Variants in PKNOX2 observed in about 807,000 individuals in gnomAD.
PKNOX2 encodes homeobox protein PKNOX2.
A neutral mutation model predicts 53.1 loss-of-function variants in PKNOX2; 14 were observed. That is an observed-to-expected ratio of 0.26 (90% confidence interval 0.17 to 0.41). The LOEUF (loss-of-function observed/expected upper bound fraction) is 0.41. Among genes scored for constraint, PKNOX2 ranks in the 10% least tolerant of loss-of-function variants. PKNOX2 has a pLI of 1.00. For synonymous variants in PKNOX2, 257 were observed against 242.8 expected, an observed-to-expected ratio of 1.06 and a Z score of -0.54; for missense variants, 496 against 602.8, an observed-to-expected ratio of 0.82 and a Z score of 1.85.
chr11:125,328,016 G>A (rs1949926472), intron 2 of PKNOX2, among the ~76,000 whole-genome samples: 1 of 152,192 alleles, frequency 6.6e-6, no homozygotes, highest in Non-Finnish European at 1.5e-5. Context: ...TCGTCTTGGG[G>A]TGGGGGCAGC....
At chr11:125,411,082 G>C (rs182983309) in intron 9 of PKNOX2, 101 of 529,412 alleles carry the variant, frequency 1.9e-4, no homozygotes, top group Admixed American at 4.4e-4. Context: ...CCCTCCTGGG[G>C]TTACATCAAA....
At chr11:125,374,960 G>A (rs1294858611) in intron 5 of PKNOX2, among the ~76,000 whole-genome samples, 3 of 151,790 alleles carry the variant, frequency 2.0e-5, no homozygotes, top group African/African-American at 4.8e-5. Context: ...TGGGGTGGGA[G>A]GAGAACAGAA....
intron 2 of PKNOX2, among the ~76,000 whole-genome samples, chr11:125,264,427 C>T (rs1208985424): frequency 2.0e-5 from 3 of 152,102 alleles, no homozygotes; most frequent in Non-Finnish European, 4.4e-5. Context: ...CAGAAAGGAG[C>T]CACTTGCAAA....
chr11:125,207,772 A>G (rs7115319), intron 1 of PKNOX2, among the ~76,000 whole-genome samples: 8,957 of 152,076 alleles, frequency 0.059, 884 homozygotes, highest in African/African-American at 0.2. Context: ...AAGAGATGGG[A>G]ATAAGCATGT....
At chr11:125,307,718 A>T (rs933507091) in intron 2 of PKNOX2, among the ~76,000 whole-genome samples, 1 of 152,266 alleles carries the variant, frequency 6.6e-6, no homozygotes, top group Non-Finnish European at 1.5e-5. Flanking sequence ...ACGTTGGTGA[A>T]CAGGCCAGGA....
chr11:125,204,483 A>T (rs2135416751), intron 1 of PKNOX2, among the ~76,000 whole-genome samples: 1 of 152,284 alleles, frequency 6.6e-6, no homozygotes, highest in African/African-American at 2.4e-5. Context: ...CTCAGTAAAA[A>T]GTCATCGATG....
At chr11:125,319,373 A>C (rs1035031427) in intron 2 of PKNOX2, among the ~76,000 whole-genome samples, 2 of 152,260 alleles carry the variant, frequency 1.3e-5, no homozygotes, top group African/African-American at 4.8e-5. Context: ...CCAAAACGTG[A>C]CACACAGACA....
rs1565519906 is a variant in PKNOX2, at chr11:125,411,504, CT to C, written c.817-241del. ...TCTCTCTCTCTCTCTCTCTCTCTCT[CT>C]CTCTCCCCCCCTTCCCCATCTCTTC... On this transcript the variant is annotated intron_variant, in intron 9 of 12. Transcript: ENST00000298282. The C allele has an allele frequency of 5.1e-4, 234 of 460,286 alleles. 2 individuals are homozygous for C. The highest frequency in any genetic ancestry group is 2.1e-3 in the African/African-American group (95 of 45,610). 28.5% of individuals were successfully genotyped at this position (460,286 alleles called of 1,614,324 possible).
At chr11:125,293,962 G>GA (rs927656750) in intron 2 of PKNOX2, among the ~76,000 whole-genome samples, 3 of 151,210 alleles carry the variant, frequency 2.0e-5, no homozygotes, top group Non-Finnish European at 3.0e-5. Flanking sequence ...ATTGAAGGAG[G>GA]AAAAAAAAAT....
chr11:125,205,038 TG>T (rs1409852574), intron 1 of PKNOX2, among the ~76,000 whole-genome samples: 1 of 152,262 alleles, frequency 6.6e-6, no homozygotes, highest in African/African-American at 2.4e-5. Flanking sequence ...CTGTTGCTGC[TG>T]TAGTCCCAGA....
chr11:125,316,768 G>A (rs1949223214), intron 2 of PKNOX2, among the ~76,000 whole-genome samples: 1 of 152,208 alleles, frequency 6.6e-6, no homozygotes, highest in Non-Finnish European at 1.5e-5. Flanking sequence ...TTTTGCCTCA[G>A]TGTTGATGGC....
At position 125,207,070 on chromosome 11, in the gene PKNOX2, G is replaced by C. The variant is rs190785213; in HGVS notation, c.-200-27975G>C. On this transcript the variant is annotated intron_variant, in intron 1 of 12. Coordinates refer to ENST00000298282, the MANE Select transcript of PKNOX2 (RefSeq NM_001382323.2). ...GACTGATCTGTATGTGGGAGAGTAA[G>C]AGAAAGGAGGGACTCCAGGGAGACT... 2.9e-3 allele frequency among the ~76,000 whole-genome samples: 442 copies of C among 151,890 alleles called. 8 individuals are homozygous for C. Among genetic ancestry groups the C allele is most frequent in the Non-Finnish European group, 4.3e-3 (289 of 67,862 alleles).
At chr11:125,394,889 C>T (rs563187806) in intron 6 of PKNOX2, among the ~76,000 whole-genome samples, 1 of 152,146 alleles carries the variant, frequency 6.6e-6, no homozygotes, top group African/African-American at 2.4e-5. Flanking sequence ...TCTTGTATAA[C>T]CATAGCACAA....
intron 2 of PKNOX2, among the ~76,000 whole-genome samples, chr11:125,280,506 G>C (rs982786665): frequency 1.3e-5 from 2 of 152,164 alleles, no homozygotes; most frequent in Admixed American, 6.5e-5. Flanking sequence ...AATCCAAACT[G>C]TCAGGGAAGG....
chr11:125,248,969 T>C (rs1211785271), intron 2 of PKNOX2, among the ~76,000 whole-genome samples: 2 of 143,720 alleles, frequency 1.4e-5, no homozygotes, highest in Admixed American at 7.1e-5. Flanking sequence ...TACATACATA[T>C]ATACATATAA....
chr11:125,255,164 C>G (rs528477910), intron 2 of PKNOX2, among the ~76,000 whole-genome samples: 1 of 152,178 alleles, frequency 6.6e-6, no homozygotes, highest in Non-Finnish European at 1.5e-5. Flanking sequence ...CTGGTTAGTG[C>G]GCTTAGCAGG....
chr11:125,419,351 T>C (rs1956048652), intron 10 of PKNOX2, among the ~76,000 whole-genome samples: 2 of 151,480 alleles, frequency 1.3e-5, no homozygotes, highest in African/African-American at 4.9e-5. Flanking sequence ...TCCAGTCTCA[T>C]TGAGAGTTCC....
chr11:125,268,953 G>A (rs1340709942), intron 2 of PKNOX2, among the ~76,000 whole-genome samples: 3 of 150,538 alleles, frequency 2.0e-5, no homozygotes, highest in Non-Finnish European at 4.4e-5. Flanking sequence ...CATGGCGGGA[G>A]GGTGCCATGG....
At chr11:125,364,621 A>G (rs1009893596) in intron 4 of PKNOX2, among the ~76,000 whole-genome samples, 2 of 152,040 alleles carry the variant, frequency 1.3e-5, no homozygotes, top group African/African-American at 2.4e-5. Context: ...CCTATATGTC[A>G]CCCTCAGACG....
Sources: gnomAD v4.1 joint callset for allele counts (sites outside exome capture counted in the v4.1 genomes callset) on GRCh38, gnomAD v4.1.1 for gene constraint, MANE v1.5 for transcripts, NCBI Gene and HGNC (gene_info 2026-07-23, HGNC 2026-07-21) for gene names.